AVEN: variants seen among roughly 807,000 people sequenced by gnomAD.
The protein encoded by AVEN is cell death regulator Aven.
AVEN carries 41 observed loss-of-function variants against 38.1 expected under a neutral mutation model. The observed-to-expected ratio is 1.08, with a 90% CI of 0.84 to 1.40. AVEN has a LOEUF of 1.40. AVEN is among the 40% of genes most tolerant of loss of function. The pLI, the probability that AVEN is intolerant of heterozygous loss-of-function variation, is 0.00. For synonymous variants in AVEN, 206 were observed against 171.8 expected (o/e 1.20, Z -1.56); for missense variants, 605 against 438.8 (o/e 1.38, Z -3.38).
At chr15:33,954,336 T>C (rs562286503) in intron 2 of AVEN, among the ~76,000 whole-genome samples, 4 of 152,260 alleles carry the variant, frequency 2.6e-5, no homozygotes, top group African/African-American at 9.6e-5. Context: ...CATGCTACTA[T>C]AAAGACACAT....
chr15:33,940,579 T>C (rs191463346), intron 2 of AVEN, among the ~76,000 whole-genome samples: 2 of 152,230 alleles, frequency 1.3e-5, no homozygotes, highest in Non-Finnish European at 2.9e-5. Context: ...TCTCGCTCTG[T>C]TGCCCAGGCT....
chr15:33,915,392 A>G (rs1190707778), intron 2 of AVEN, among the ~76,000 whole-genome samples: 1 of 152,224 alleles, frequency 6.6e-6, no homozygotes, highest in Non-Finnish European at 1.5e-5. Flanking sequence ...CCCCAAGCAC[A>G]CACCCTCACT....
At chr15:33,884,772 G>A (rs181646463) in intron 2 of AVEN, among the ~76,000 whole-genome samples, 17 of 152,310 alleles carry the variant, frequency 1.1e-4, no homozygotes, top group Non-Finnish European at 1.9e-4. Context: ...CAGGCAGAAG[G>A]AAACCTGCAA....
chr15:34,020,416 C>T (rs1477518758), intron 1 of AVEN, among the ~76,000 whole-genome samples: 2 of 152,100 alleles, frequency 1.3e-5, no homozygotes, highest in Non-Finnish European at 2.9e-5. Context: ...AATATAAATC[C>T]AAGGAGGCAA....
In AVEN at chr15:33,867,805, A is replaced by G. The variant is rs201675744; in HGVS notation, c.663T>C (p.Asp221=). 27 of 1,611,536 alleles carry G rather than the reference A, an allele frequency of 1.7e-5. No individual in the cohort carries two copies. In the African/African-American group the frequency reaches 3.3e-4, roughly 20 times the overall value. The change falls in exon 5 of 6, where the codon GAT becomes GAC. Residue 221 remains aspartate (D), a synonymous_variant. Transcript: ENST00000306730. ...TTAACTGCATCCCTAATCCCTTGCC[A>G]TCATCAGTTCTCTTTGGTTTCACCT... ...VPQVKPKRTD[D]GKGLGMQLKG...
intron 2 of AVEN, among the ~76,000 whole-genome samples, chr15:33,922,527 T>TGGGCTCAAGAGATGCTCC (rs1893437637): frequency 6.6e-6 from 1 of 152,144 alleles, no homozygotes; most frequent in Non-Finnish European, 1.5e-5. Flanking sequence ...CCTCAACCCC[T>TGGGCTCAAGAGATGCTCC]GGGCTCAAGA....
chr15:33,977,296 C>G (rs1481017514), intron 2 of AVEN, among the ~76,000 whole-genome samples: 1 of 152,134 alleles, frequency 6.6e-6, no homozygotes, highest in Non-Finnish European at 1.5e-5. Flanking sequence ...GACACTTTTT[C>G]TCATATATTG....
intron 2 of AVEN, among the ~76,000 whole-genome samples, chr15:33,943,003 T>C (rs988165880): frequency 6.6e-6 from 1 of 152,176 alleles, no homozygotes; most frequent in African/African-American, 2.4e-5. Context: ...GAAAGTGCAC[T>C]GTTACTGGGG....
intron 2 of AVEN, among the ~76,000 whole-genome samples, chr15:33,928,940 A>C (rs1893734620): frequency 6.6e-6 from 1 of 152,184 alleles, no homozygotes; most frequent in South Asian, 2.1e-4. Flanking sequence ...ATACTACCTA[A>C]GATGTTCCTA....
At chr15:33,871,977 G>A (rs112629605) in intron 3 of AVEN, among the ~76,000 whole-genome samples, 33 of 152,220 alleles carry the variant, frequency 2.2e-4, no homozygotes, top group African/African-American at 6.5e-4. Flanking sequence ...TAAAGTATTC[G>A]GTGCATTATT....
chr15:33,859,494 GA>G, intron 11 of AVEN: 1 of 1,521,176 alleles, frequency 6.6e-7, no homozygotes, highest in East Asian at 2.3e-5. Context: ...CAATCTGACC[GA>G]ATCATATGAA....
chr15:33,866,878 A>C, intron 5 of AVEN, 150 bp from the exon 6 acceptor site: 1 of 619,682 alleles, frequency 1.6e-6, no homozygotes, highest in Non-Finnish European at 2.7e-6. Context: ...TAAACAAATA[A>C]AGCTGGGTAG....
At chr15:33,880,033 G>A (rs1004214559) in intron 2 of AVEN, among the ~76,000 whole-genome samples, 4 of 152,166 alleles carry the variant, frequency 2.6e-5, no homozygotes, top group African/African-American at 7.2e-5. Context: ...AATAGCACCT[G>A]AAGGTAGATT....
chr15:33,942,583 T>TG (rs757478520), intron 2 of AVEN, among the ~76,000 whole-genome samples: 10 of 152,190 alleles, frequency 6.6e-5, no homozygotes, highest in Non-Finnish European at 1.3e-4. Context: ...CCCAAGTAGC[T>TG]GGGACTACAG....
Position 33,949,085 on chromosome 15 carries a change from G to A in AVEN, c.445+53947C>T, listed in dbSNP as rs1029928311. Among the ~76,000 whole-genome samples, 6 of 152,090 alleles carry A rather than the reference G, an allele frequency of 3.9e-5. No individual in the cohort carries two copies. In the South Asian group the frequency reaches 6.2e-4, roughly 16 times the overall value. ...GTTGCCCAGGCTAGAGTGCAATGGC[G>A]TGATCTTGCCTCACTGCAACCTCCG... On this transcript the variant is annotated intron_variant, in intron 2 of 5. Coordinates refer to ENST00000306730, the MANE Select transcript of AVEN (RefSeq NM_020371.3).
chr15:34,067,004 A>G (rs1900528942), intron 2 of AVEN: 1 of 152,080 alleles, frequency 6.6e-6, no homozygotes, highest in Non-Finnish European at 1.5e-5. Flanking sequence ...CTAATTGTAA[A>G]CTACAGGGAC....
chr15:34,005,008 G>T (rs1441576487), intron 1 of AVEN, among the ~76,000 whole-genome samples: 1 of 151,978 alleles, frequency 6.6e-6, no homozygotes, highest in Non-Finnish European at 1.5e-5. Context: ...ACAGAAGCAG[G>T]ACATATGCAC....
At chr15:34,016,248 A>G (rs116401870) in intron 1 of AVEN, among the ~76,000 whole-genome samples, 2,182 of 152,362 alleles carry the variant, frequency 0.014, 50 homozygotes, top group African/African-American at 0.048. Context: ...AAACAAAAAC[A>G]AAAACAAAAC....
At position 34,044,328 on chromosome 15, in the gene AVEN, C is replaced by T. The variant is rs147653778; in HGVS notation, n.1637+18594G>A. 3.3e-3 allele frequency among the ~76,000 whole-genome samples: 509 copies of T among 152,308 alleles called. 3 individuals carry two copies. The highest frequency in any genetic ancestry group is 0.011 in the African/African-American group (476 of 41,570). On this transcript the variant is annotated intron_variant and non_coding_transcript_variant, in intron 5 of 11. Coordinates refer to the AVEN transcript ENST00000675287. ...ATGTAACTAAATCCAATGGTCAGGT[C>T]ACTGGCCTAATCTTACTTGGTTTAT...
Sources: gnomAD v4.1 joint callset for allele counts (sites outside exome capture counted in the v4.1 genomes callset) on GRCh38, gnomAD v4.1.1 for gene constraint, MANE v1.5 for transcripts, NCBI Gene and HGNC (gene_info 2026-07-23, HGNC 2026-07-21) for gene names.